Variants in KRABD4 observed in about 807,000 individuals in gnomAD.
KRABD4 encodes KRAB domain-containing protein 4.
the KRABD4 span, chrX:46,474,253 A>G: frequency 8.9e-6 from 1 of 112,488 alleles, no homozygotes; most frequent in Non-Finnish European, 1.9e-5. Context: ...TCTATCCAAG[A>G]AATTGTGAAG....
chrX:46,457,022 T>C, the KRABD4 span: 3 of 322,882 alleles, frequency 9.3e-6, no homozygotes, highest in Admixed American at 1.7e-4. Flanking sequence ...GAGTGATTAC[T>C]GTATCCCAGG....
chrX:46,448,638 G>A, the KRABD4 span: 5 of 113,502 alleles, frequency 4.4e-5, no homozygotes, highest in East Asian at 1.4e-3. Context: ...TGCTGGAGGA[G>A]GGACAGGTGA....
the KRABD4 span, among the ~76,000 whole-genome samples, chrX:46,450,982 G>A: frequency 5.4e-5 from 6 of 111,069 alleles, no homozygotes; most frequent in Non-Finnish European, 1.1e-4. Context: ...GATTACAGGC[G>A]CGAGCCACCA....
the KRABD4 span, among the ~76,000 whole-genome samples, chrX:46,460,262 A>G: frequency 9.0e-6 from 1 of 111,390 alleles, no homozygotes; most frequent in Admixed American, 9.5e-5. Context: ...TCTACTAAAA[A>G]TACAGTTAGC....
At chrX:46,451,971 G>T in the KRABD4 span, among the ~76,000 whole-genome samples, 2 of 111,793 alleles carry the variant, frequency 1.8e-5, no homozygotes, top group African/African-American at 6.5e-5. Flanking sequence ...TTTGATGCAG[G>T]GTCTGGCTCT....
the KRABD4 span, chrX:46,473,085 T>C: frequency 8.3e-7 from 1 of 1,199,029 alleles, no homozygotes; most frequent in African/African-American, 1.8e-5. Flanking sequence ...AGAGATTTTT[T>C]GACCCTAATC....
chrX:46,450,536 A>G, the KRABD4 span: 1 of 1,038,871 alleles, frequency 9.6e-7, no homozygotes, highest in Non-Finnish European at 1.3e-6. Flanking sequence ...TTTGGAATCT[A>G]TATAGCAGAC....
At chrX:46,465,704 T>C in the KRABD4 span, among the ~76,000 whole-genome samples, 2 of 111,844 alleles carry the variant, frequency 1.8e-5, no homozygotes, top group Non-Finnish European at 3.8e-5. Flanking sequence ...ACTCTAGAAA[T>C]TGTTTCAGAA....
chrX:46,469,388 G>T, the KRABD4 span, among the ~76,000 whole-genome samples: 1 of 111,996 alleles, frequency 8.9e-6, no homozygotes, highest in Non-Finnish European at 1.9e-5. Context: ...TGAATGGATA[G>T]GTCTTGCACA....
chrX:46,462,043 T>TA, the KRABD4 span, among the ~76,000 whole-genome samples: 5 of 112,013 alleles, frequency 4.5e-5, no homozygotes, highest in Non-Finnish European at 7.5e-5. Flanking sequence ...TCACAGGACT[T>TA]ACCAGCCCGG....
chrX:46,455,338 T>C, the KRABD4 span: 1 of 520,199 alleles, frequency 1.9e-6, no homozygotes, highest in Non-Finnish European at 3.3e-6. Context: ...AATATCTATA[T>C]CATCTACATA....
At chrX:46,471,662 C>T in the KRABD4 span, among the ~76,000 whole-genome samples, 2 of 111,898 alleles carry the variant, frequency 1.8e-5, no homozygotes, top group African/African-American at 6.5e-5. Flanking sequence ...CTGGCAAGTA[C>T]TGATCTTTTT....
At chrX:46,462,519 AAAAG>A in the KRABD4 span, 4 of 488,564 alleles carry the variant, frequency 8.2e-6, no homozygotes, top group African/African-American at 2.5e-5. Flanking sequence ...CAAAAAAAAA[AAAAG>A]AAAGAAAGGC....
chrX:46,473,405 T>C, the KRABD4 span: 17 of 1,188,265 alleles, frequency 1.4e-5, no homozygotes, highest in Admixed American at 1.4e-4. Context: ...AAAATTCATA[T>C]GGAGAGAGAC....
chrX:46,463,531 C>G, the KRABD4 span: 1 of 452,565 alleles, frequency 2.2e-6, no homozygotes. Context: ...TTCTGAGATC[C>G]CATTTCTACC....
the KRABD4 span, among the ~76,000 whole-genome samples, chrX:46,453,319 G>A: frequency 5.4e-5 from 6 of 111,941 alleles, no homozygotes; most frequent in Non-Finnish European, 1.1e-4. Context: ...CCGTCTGGAT[G>A]GAAAGAAAGT....
the KRABD4 span, chrX:46,457,257 T>A: frequency 1.6e-5 from 3 of 189,219 alleles, no homozygotes; most frequent in African/African-American, 9.0e-5. Context: ...ACATTTTTAA[T>A]GAAGATGGGA....
chrX:46,447,728 G>C, the KRABD4 span, among the ~76,000 whole-genome samples: 1 of 112,135 alleles, frequency 8.9e-6, no homozygotes, highest in African/African-American at 3.2e-5. Flanking sequence ...GATTATTTTC[G>C]TGTTATAGAG....
the KRABD4 span, chrX:46,457,156 G>A: frequency 1.4e-5 from 4 of 287,989 alleles, no homozygotes; most frequent in Non-Finnish European, 2.5e-5. Flanking sequence ...CTGATAAAGC[G>A]GAGAATTCCA....
Sources: allele counts gnomAD v4.1 joint callset (sites outside exome capture counted in the v4.1 genomes callset), GRCh38; gene constraint gnomAD v4.1.1; transcripts MANE v1.5; gene names NCBI Gene and HGNC (gene_info 2026-07-23, HGNC 2026-07-21).